Variants in DNAH7 observed in about 807,000 individuals in gnomAD.
DNAH7 encodes the protein dynein axonemal heavy chain 7, also known as axonemal beta dynein heavy chain 7.
A neutral mutation model predicts 444.6 loss-of-function variants in DNAH7; 397 were observed. The ratio of observed to expected loss-of-function variants is 0.89; its 90% CI spans 0.82 to 0.97. The LOEUF is 0.97. Ranked by LOEUF, DNAH7 falls within the 50% of genes least tolerant of loss-of-function variation. The pLI is 0.00. For synonymous variants in DNAH7, 1,636 were observed against 1,624.4 expected, an observed-to-expected ratio of 1.01 and a Z score of -0.17; for missense variants, 4,902 against 4,800.8, an observed-to-expected ratio of 1.02 and a Z score of -0.62.
intron 10 of DNAH7, among the ~76,000 whole-genome samples, chr2:196,006,718 C>T (rs1694398138): frequency 6.6e-6 from 1 of 151,762 alleles, no homozygotes; most frequent in African/African-American, 2.4e-5. Flanking sequence ...AATACAAGAT[C>T]AATATATAAA....
intron 42 of DNAH7, among the ~76,000 whole-genome samples, chr2:195,860,014 G>A (rs1007964562): frequency 3.9e-5 from 6 of 152,050 alleles, no homozygotes; most frequent in African/African-American, 1.4e-4. Flanking sequence ...AGGAATTCTA[G>A]TTGAGGTAAA....
chr2:195,838,392 A>G (rs1489833207), intron 47 of DNAH7, among the ~76,000 whole-genome samples: 4 of 152,090 alleles, frequency 2.6e-5, no homozygotes, highest in Non-Finnish European at 4.4e-5. Context: ...AAAACTTTAA[A>G]GCAGATATTA....
At chr2:195,897,919 G>T (rs1207525186) in intron 28 of DNAH7, among the ~76,000 whole-genome samples, 154 bp from the exon 29 acceptor site, 1 of 151,970 alleles carries the variant, frequency 6.6e-6, no homozygotes, top group Non-Finnish European at 1.5e-5. Flanking sequence ...ATGAATTTTA[G>T]AAACTGACAT....
In DNAH7 at chr2:195,796,805, A is replaced by T. The variant is rs1043624133; in HGVS notation, c.10354-68T>A. 35 of 1,499,058 alleles carry T rather than the reference A, an allele frequency of 2.3e-5. No homozygotes were observed. In the East Asian group the frequency reaches 7.2e-4, roughly 31 times the overall value. The allele number at this position is 1,499,058 out of a possible 1,614,324, so 92.9% of individuals were successfully genotyped here. On this transcript the variant is annotated intron_variant, in intron 55 of 64. Coordinates refer to ENST00000312428, the MANE Select transcript of DNAH7 (RefSeq NM_018897.3). ...TAAGAAACATCAATATTGTTTTTTT[A>T]AAAGTTAACATTGACTATATTACAA...
At chr2:195,811,786 A>C (rs973081885) in intron 51 of DNAH7, among the ~76,000 whole-genome samples, 2 of 152,072 alleles carry the variant, frequency 1.3e-5, no homozygotes, top group Non-Finnish European at 2.9e-5. Flanking sequence ...GAAAAAAAAA[A>C]CTGTGTGCGT....
intron 19 of DNAH7, among the ~76,000 whole-genome samples, chr2:195,940,894 A>T (rs1020090974): frequency 3.3e-5 from 5 of 152,208 alleles, no homozygotes; most frequent in African/African-American, 1.2e-4. Flanking sequence ...GAAGATGTGG[A>T]GAAATAGGAA....
At chr2:195,842,573 G>A (rs1698749776) in intron 47 of DNAH7, among the ~76,000 whole-genome samples, 1 of 152,224 alleles carries the variant, frequency 6.6e-6, no homozygotes, top group East Asian at 1.9e-4. Context: ...ATTGGGAAAA[G>A]AAGCCAAGAA....
intron 24 of DNAH7, 45 bp from the exon 25 acceptor site, chr2:195,910,240 T>C: frequency 7.1e-7 from 1 of 1,409,466 alleles, no homozygotes; most frequent in African/African-American, 1.5e-5. Flanking sequence ...AATGTGATTT[T>C]TTTTCCATTC....
intron 22 of DNAH7, 74 bp from the exon 23 acceptor site, chr2:195,923,881 T>A: frequency 8.1e-7 from 1 of 1,231,940 alleles, no homozygotes; most frequent in Non-Finnish European, 1.2e-6. Context: ...TCTGAACTAG[T>A]ATATATACAG....
chr2:196,066,833 A>G (rs1262726292), intron 1 of DNAH7, among the ~76,000 whole-genome samples: 2 of 152,224 alleles, frequency 1.3e-5, no homozygotes, highest in Non-Finnish European at 1.5e-5. Context: ...AAAAAATGGC[A>G]TTTCCAGAAG....
intron 61 of DNAH7, among the ~76,000 whole-genome samples, chr2:195,763,566 T>C (rs1194841200): frequency 6.6e-6 from 1 of 151,882 alleles, no homozygotes; most frequent in African/African-American, 2.4e-5. Context: ...GCACATAAAT[T>C]CAAAGGATCA....
intron 33 of DNAH7, among the ~76,000 whole-genome samples, chr2:195,887,014 T>A (rs1348497663): frequency 6.6e-6 from 1 of 152,204 alleles, no homozygotes; most frequent in East Asian, 1.9e-4. Context: ...GCTGAGTTTC[T>A]AAGTGTGGGA....
chr2:195,745,209 C>T (rs926257239), intron 63 of DNAH7, among the ~76,000 whole-genome samples: 2 of 152,106 alleles, frequency 1.3e-5, no homozygotes, highest in Admixed American at 6.5e-5. Context: ...GTGAAGAATG[C>T]AGAAGCCTCA....
intron 5 of DNAH7, among the ~76,000 whole-genome samples, chr2:196,038,058 T>C (rs1696504128): frequency 6.6e-6 from 1 of 151,934 alleles, no homozygotes; most frequent in East Asian, 1.9e-4. Context: ...AAAAACAGCA[T>C]ACTTATCAGC....
chr2:196,032,651 G>C (rs1392632927), intron 5 of DNAH7, among the ~76,000 whole-genome samples: 1 of 152,218 alleles, frequency 6.6e-6, no homozygotes, highest in African/African-American at 2.4e-5. Context: ...ACCAAGAAAA[G>C]TTCAAGTCCA....
chr2:195,814,876 G>T (rs1697151018), intron 51 of DNAH7, among the ~76,000 whole-genome samples: 3 of 151,896 alleles, frequency 2.0e-5, no homozygotes, highest in Admixed American at 2.0e-4. Flanking sequence ...CAGTAGCTGG[G>T]ACTACAAGCC....
intron 15 of DNAH7, among the ~76,000 whole-genome samples, chr2:195,977,054 G>A (rs1407479331): frequency 6.6e-6 from 1 of 152,136 alleles, no homozygotes; most frequent in African/African-American, 2.4e-5. Flanking sequence ...GAATGCTAAA[G>A]GTATAATACC....
chr2:195,767,517 A>G (rs1485033623), intron 61 of DNAH7, among the ~76,000 whole-genome samples: 2 of 151,582 alleles, frequency 1.3e-5, no homozygotes, highest in Non-Finnish European at 3.0e-5. Flanking sequence ...TTTTTTGTTC[A>G]GTTTTAGCAT....
At chr2:195,752,717 A>C (rs979337210) in intron 63 of DNAH7, among the ~76,000 whole-genome samples, 3 of 152,154 alleles carry the variant, frequency 2.0e-5, no homozygotes, top group East Asian at 3.9e-4. Flanking sequence ...GATGTACTGG[A>C]AACAAAGAGA....
Sources: allele counts gnomAD v4.1 joint callset (sites outside exome capture counted in the v4.1 genomes callset), GRCh38; gene constraint gnomAD v4.1.1; transcripts MANE v1.5; gene names NCBI Gene and HGNC (gene_info 2026-07-23, HGNC 2026-07-21).